Variants in AGBL4 observed in about 807,000 individuals in gnomAD.
The protein encoded by AGBL4 is cytosolic carboxypeptidase 6.
In AGBL4, 58 loss-of-function variants were observed where a neutral mutation model predicts 66.4. The ratio of observed to expected loss-of-function variants is 0.87; its 90% CI spans 0.71 to 1.09. The LOEUF is 1.09. AGBL4 is among the 50% of genes least tolerant of loss of function. The pLI is 0.00. For missense variants in AGBL4, 579 were observed against 631.0 expected (o/e 0.92, Z 0.88); for synonymous variants, 234 against 222.9 (o/e 1.05, Z -0.44).
At chr1:49,158,178 T>C (rs956834376) in intron 4 of AGBL4, among the ~76,000 whole-genome samples, 3 of 152,014 alleles carry the variant, frequency 2.0e-5, no homozygotes, top group African/African-American at 7.2e-5. Context: ...AAAAATTAAC[T>C]CAAGATGGAT....
chr1:49,273,503 G>T (rs1039442974), intron 3 of AGBL4, among the ~76,000 whole-genome samples: 3 of 149,638 alleles, frequency 2.0e-5, no homozygotes, highest in Non-Finnish European at 4.5e-5. Context: ...TTATACAAGA[G>T]TTTATCAAAA....
At chr1:49,476,109 GTTTTGTCTCTGTCTT>G (rs1458457208) in intron 3 of AGBL4, among the ~76,000 whole-genome samples, 4 of 151,868 alleles carry the variant, frequency 2.6e-5, no homozygotes, top group African/African-American at 9.7e-5. Flanking sequence ...ATTTTGGTAT[GTTTTGTCTCTGTCTT>G]CATTTATTTC....
At chr1:49,888,927 A>G (rs1648349755) in intron 1 of AGBL4, among the ~76,000 whole-genome samples, 1 of 152,194 alleles carries the variant, frequency 6.6e-6, no homozygotes, top group African/African-American at 2.4e-5. Flanking sequence ...ACAAAATAAC[A>G]AAAAACAAAA....
At chr1:49,864,401 G>A (rs1399359911) in intron 1 of AGBL4, among the ~76,000 whole-genome samples, 4 of 152,280 alleles carry the variant, frequency 2.6e-5, no homozygotes, top group South Asian at 2.1e-4. Flanking sequence ...AAAGATGGCC[G>A]ACTAGAAAGA....
chr1:48,609,668 C>A (rs1200974120), intron 9 of AGBL4, among the ~76,000 whole-genome samples: 1 of 152,200 alleles, frequency 6.6e-6, no homozygotes, highest in East Asian at 1.9e-4. Context: ...AGAGATCCTC[C>A]CACCTCAGCC....
chr1:49,101,655 G>T (rs1283510167), intron 4 of AGBL4, among the ~76,000 whole-genome samples: 5 of 152,062 alleles, frequency 3.3e-5, no homozygotes, highest in Admixed American at 3.3e-4. Flanking sequence ...GGTGTGGGTG[G>T]GTGGCACATG....
At chr1:48,738,390 C>G (rs187099085) in intron 6 of AGBL4, among the ~76,000 whole-genome samples, 28 of 152,290 alleles carry the variant, frequency 1.8e-4, no homozygotes, top group Admixed American at 4.6e-4. Context: ...GATAAGCAGC[C>G]TTGGAGTGAG....
At chr1:49,044,233 C>T (rs1644019212) in intron 5 of AGBL4, among the ~76,000 whole-genome samples, 1 of 152,040 alleles carries the variant, frequency 6.6e-6, no homozygotes, top group Non-Finnish European at 1.5e-5. Flanking sequence ...TACGGTGGCT[C>T]ACATCTGTAA....
At chr1:49,158,554 G>A (rs1365688601) in intron 4 of AGBL4, among the ~76,000 whole-genome samples, 1 of 152,118 alleles carries the variant, frequency 6.6e-6, no homozygotes, top group Non-Finnish European at 1.5e-5. Context: ...TTGATGTGGG[G>A]TGGAGAGCTC....
chr1:49,942,747 G>A (rs902007691), intron 1 of AGBL4, among the ~76,000 whole-genome samples: 5 of 152,048 alleles, frequency 3.3e-5, no homozygotes, highest in African/African-American at 9.7e-5. Context: ...TAGAGGGAAA[G>A]CTTCTTGACC....
intron 3 of AGBL4, among the ~76,000 whole-genome samples, chr1:49,695,038 A>G (rs1646958193): frequency 1.3e-5 from 2 of 152,094 alleles, no homozygotes; most frequent in Admixed American, 6.6e-5. Context: ...CACAATGAGG[A>G]TAGATGATTC....
chr1:49,853,809 C>T (rs192959119), intron 1 of AGBL4, among the ~76,000 whole-genome samples: 11 of 151,880 alleles, frequency 7.2e-5, no homozygotes, highest in East Asian at 3.9e-4. Context: ...AAAAAGTCAA[C>T]GTAAAATTTT....
chr1:48,774,649 G>C (rs1644990484), intron 6 of AGBL4, among the ~76,000 whole-genome samples: 1 of 152,218 alleles, frequency 6.6e-6, no homozygotes, highest in African/African-American at 2.4e-5. Flanking sequence ...AGGATGAACA[G>C]TCTACAGGTT....
chr1:49,543,948 A>G (rs1652274428), intron 3 of AGBL4, among the ~76,000 whole-genome samples: 2 of 152,230 alleles, frequency 1.3e-5, no homozygotes, highest in African/African-American at 4.8e-5. Flanking sequence ...GGGGATGAAC[A>G]TTGGTGAAAC....
Position 48,690,120 on chromosome 1 carries a change from C to T in AGBL4, c.635-26879G>A, listed in dbSNP as rs533047249. ...CATGGAGCCCATCACATGGCCCAGG[C>T]CTGGTTCTCAGAGTGTTTGCTAAAT... On this transcript the variant is annotated intron_variant, in intron 6 of 13. Coordinates refer to ENST00000371839, the MANE Select transcript of AGBL4 (RefSeq NM_032785.4). Among the ~76,000 whole-genome samples, 3 of 152,338 alleles carry T rather than the reference C, an allele frequency of 2.0e-5. No individual in the cohort carries two copies. The East Asian group carries it at 5.8e-4, about 29-fold the overall frequency.
chr1:49,924,350 T>C (rs1016717887), intron 1 of AGBL4, among the ~76,000 whole-genome samples: 1 of 152,108 alleles, frequency 6.6e-6, no homozygotes, highest in Non-Finnish European at 1.5e-5. Context: ...GCTGGCTTAA[T>C]ACATGGGTGA....
At chr1:49,559,764 C>A (rs1278151739) in intron 3 of AGBL4, among the ~76,000 whole-genome samples, 1 of 152,146 alleles carries the variant, frequency 6.6e-6, no homozygotes, top group African/African-American at 2.4e-5. Flanking sequence ...GAAGGCTACA[C>A]TGTTGGCTTC....
intron 2 of AGBL4, among the ~76,000 whole-genome samples, chr1:49,731,854 A>G (rs1413140498): frequency 6.6e-6 from 1 of 152,204 alleles, no homozygotes; most frequent in Non-Finnish European, 1.5e-5. Flanking sequence ...CATGATAAAA[A>G]GAATAGTTTC....
chr1:49,755,208 A>T (rs759334943), intron 2 of AGBL4, among the ~76,000 whole-genome samples: 6 of 152,238 alleles, frequency 3.9e-5, no homozygotes, highest in Non-Finnish European at 8.8e-5. Context: ...ATCAGCCAAG[A>T]TAACAGAAGA....
Sources: allele counts gnomAD v4.1 joint callset (sites outside exome capture counted in the v4.1 genomes callset), GRCh38; gene constraint gnomAD v4.1.1; transcripts MANE v1.5; gene names NCBI Gene and HGNC (gene_info 2026-07-23, HGNC 2026-07-21).